KIF13A: variants seen among roughly 807,000 people sequenced by gnomAD.
KIF13A encodes the protein kinesin family member 13A.
In KIF13A, 79 loss-of-function variants were observed where a neutral mutation model predicts 212.2. The ratio of observed to expected loss-of-function variants is 0.37; its 90% CI spans 0.31 to 0.45. The LOEUF (loss-of-function observed/expected upper bound fraction) is 0.45, where lower values mean the gene tolerates loss of function less well. KIF13A is among the 20% of genes least tolerant of loss of function. KIF13A has a pLI of 1.00. For synonymous variants in KIF13A, 789 were observed against 808.6 expected (o/e 0.98, Z 0.41); for missense variants, 1,901 against 2,209.0 (o/e 0.86, Z 2.79).
At chr6:17,847,866 C>T (rs1175775885) in intron 9 of KIF13A, among the ~76,000 whole-genome samples, 1 of 152,094 alleles carries the variant, frequency 6.6e-6, no homozygotes, top group Non-Finnish European at 1.5e-5. Flanking sequence ...GGCTGGAGTA[C>T]AGTGGCGCGA....
rs1321525500 is a variant in KIF13A at position 17,900,875 on chromosome 6, G to A, written c.147-2695C>T. ...AGGCGGATCACAAGTTCAGGGGATC[G>A]AGACCATCCTGGTTAACACGGTGAA... On this transcript the variant is annotated intron_variant, in intron 2 of 38. Transcript: ENST00000259711. This position sits in a 1 kb window ranked among gnomAD's most constrained non-coding sequence, Gnocchi z 4.6. Among the ~76,000 whole-genome samples, 5 of 151,968 alleles carry A rather than the reference G, an allele frequency of 3.3e-5. No homozygotes were observed. Among genetic ancestry groups the A allele is most frequent in the East Asian group, 3.9e-4 (2 of 5,144 alleles).
rs1157984928 is a variant in KIF13A at position 17,897,420 on chromosome 6, T to C, written c.159+748A>G. ...TTGGTGCTAAGTGTCCCTCTGATAC[T>C]CAGCAAAATGCTCACTGGTAACAAA... On this transcript the variant is annotated intron_variant, in intron 3 of 38. Transcript: ENST00000259711. This position sits in a 1 kb window ranked among gnomAD's most constrained non-coding sequence, Gnocchi z 4.8. Among the ~76,000 whole-genome samples the C allele has an allele frequency of 1.3e-5, 2 of 152,182 alleles. No individual in the cohort carries two copies. The highest frequency in any genetic ancestry group is 6.5e-5 in the Admixed American group (1 of 15,278).
chr6:17,802,649 A>AG (rs1298566042), intron 20 of KIF13A, among the ~76,000 whole-genome samples: 1 of 151,870 alleles, frequency 6.6e-6, no homozygotes, highest in Admixed American at 6.6e-5. Context: ...ATATAATTTC[A>AG]GGGGGATTCA....
chr6:17,867,810 G>A (rs1282020548), intron 4 of KIF13A, among the ~76,000 whole-genome samples: 2 of 152,166 alleles, frequency 1.3e-5, no homozygotes, highest in African/African-American at 4.8e-5. Context: ...TGTAAATTTT[G>A]CTGCACAAAT....
At chr6:17,941,543 A>G (rs1561786126) in intron 2 of KIF13A, among the ~76,000 whole-genome samples, 1 of 152,158 alleles carries the variant, frequency 6.6e-6, no homozygotes, top group African/African-American at 2.4e-5. Context: ...GTGTCTTTAT[A>G]AGCAAGGAAA....
At chr6:17,866,284 A>C (rs1400623623) in intron 4 of KIF13A, among the ~76,000 whole-genome samples, 1 of 152,120 alleles carries the variant, frequency 6.6e-6, no homozygotes, top group East Asian at 1.9e-4. Flanking sequence ...AAATATAAGG[A>C]TCCTAGAGAA....
chr6:17,785,760 A>G lies in KIF13A; in HGVS notation c.3362-119T>C. ...AGACCCCATCTCTACCAAAAAAAAA[A>G]AAATAGTTGGGCAGGGTGGTGGTAC... On this transcript the variant is annotated intron_variant, in intron 27 of 38. Transcript: ENST00000259711. This position sits in a 1 kb window ranked among gnomAD's most constrained non-coding sequence, Gnocchi z 5.8. 9.2e-7 allele frequency: 1 copy of G among 1,090,552 alleles called. No individual in the cohort carries two copies. The highest frequency in any genetic ancestry group is 1.3e-6 in the Non-Finnish European group (1 of 753,696). The allele number at this position is 1,090,552 out of a possible 1,614,324, so 67.6% of individuals were successfully genotyped here. A position where few individuals can be genotyped will look rare whatever the true frequency, so the allele number is the denominator to read the frequency against.
At chr6:17,861,116 T>C (rs1768731210) in intron 4 of KIF13A, among the ~76,000 whole-genome samples, 1 of 152,210 alleles carries the variant, frequency 6.6e-6, no homozygotes, top group African/African-American at 2.4e-5. Flanking sequence ...TTATCATATT[T>C]AGTAAAGTTT....
chr6:17,785,788 A>C lies in KIF13A; in HGVS notation c.3362-147T>G, dbSNP rs1761011347. 1.2e-6 allele frequency: 1 copy of C among 804,386 alleles called. No homozygotes were observed. Among genetic ancestry groups the C allele is most frequent in the Non-Finnish European group, 2.0e-6 (1 of 508,886 alleles). 49.8% of individuals were successfully genotyped at this position (804,386 alleles called of 1,614,324 possible). ...ATAGTTGGGCAGGGTGGTGGTACGC[A>C]TGCCTGTAGTCCCAGATACTCAGGC... On this transcript the variant is annotated intron_variant, in intron 27 of 38. Transcript: ENST00000259711. This position sits in a 1 kb window ranked among gnomAD's most constrained non-coding sequence, Gnocchi z 5.8.
At chr6:17,973,396 C>T (rs903692635) in intron 2 of KIF13A, among the ~76,000 whole-genome samples, 4 of 152,236 alleles carry the variant, frequency 2.6e-5, no homozygotes, top group African/African-American at 9.6e-5. Flanking sequence ...CGACTTCATG[C>T]TGCTGCTTTA....
intron 4 of KIF13A, among the ~76,000 whole-genome samples, chr6:17,865,012 G>A (rs147413231): frequency 5.5e-4 from 84 of 152,282 alleles, no homozygotes; most frequent in African/African-American, 1.8e-3. Flanking sequence ...AGAGGCACAG[G>A]ATAAAAGAGT....
In KIF13A at chr6:17,967,139, G is replaced by A. The variant is rs12193768; in HGVS notation, c.146+19915C>T. On this transcript the variant is annotated intron_variant, in intron 2 of 38. Transcript: ENST00000259711. The surrounding 1 kb of genome is among the most constrained non-coding windows in gnomAD (Gnocchi z 4.1). ...GGTGAAGGAAAATGTTAAAGATAAAGCAAAACAGAAAATTTCAACAAGGCA... is the reference window on the plus strand; with the variant it reads ...GGTGAAGGAAAATGTTAAAGATAAAACAAAACAGAAAATTTCAACAAGGCA... Among the ~76,000 whole-genome samples the A allele has an allele frequency of 6.8e-3, 1,033 of 152,216 alleles. 9 individuals carry two copies. Among genetic ancestry groups the A allele is most frequent in the African/African-American group, 0.023 (975 of 41,510 alleles).
Position 17,800,416 on chromosome 6 carries a change from T to C in KIF13A, c.2455-303A>G, listed in dbSNP as rs145319997. ...CTTAAAGGTAGCTCTCACATTTTAC[T>C]TGGAGTCATCTAGTATCCATGTTTT... On this transcript the variant is annotated intron_variant, in intron 20 of 38. Transcript: ENST00000259711. 2.4e-4 allele frequency among the ~76,000 whole-genome samples: 36 copies of C among 151,222 alleles called. No homozygotes were observed. The East Asian group carries it at 6.0e-3, about 25-fold the overall frequency.
Position 17,947,520 on chromosome 6 carries a change from G to A in KIF13A, c.146+39534C>T, listed in dbSNP as rs1478937997. Among the ~76,000 whole-genome samples, 1 of 152,056 alleles carries A rather than the reference G, an allele frequency of 6.6e-6. No individual in the cohort carries two copies. Among genetic ancestry groups the A allele is most frequent in the Non-Finnish European group, 1.5e-5 (1 of 68,006 alleles). On this transcript the variant is annotated intron_variant, in intron 2 of 38. Coordinates refer to ENST00000259711, the MANE Select transcript of KIF13A (RefSeq NM_022113.6). The surrounding 1 kb of genome is among the most constrained non-coding windows in gnomAD (Gnocchi z 4.6). ...GTTGCCTGTTAAATTTCCTGAATTT[G>A]GTAATAGTCTTAGAAAATACACCAA...
In KIF13A at chr6:17,895,051, C is replaced by T. The variant is rs1474839879; in HGVS notation, c.159+3117G>A. Among the ~76,000 whole-genome samples the T allele has an allele frequency of 2.0e-5, 3 of 152,138 alleles. No homozygotes were observed. Among genetic ancestry groups the T allele is most frequent in the Non-Finnish European group, 4.4e-5 (3 of 68,024 alleles). On this transcript the variant is annotated intron_variant, in intron 3 of 38. Coordinates refer to ENST00000259711, the MANE Select transcript of KIF13A (RefSeq NM_022113.6). The surrounding 1 kb of genome is among the most constrained non-coding windows in gnomAD (Gnocchi z 4.4). ...CAGCTGGATCTATCTGCTGCTAAAC[C>T]CTTGCACTAAATTCTTAATTTCGGT...
At position 17,826,085 on chromosome 6, in the gene KIF13A, C is replaced by G; in HGVS notation, c.1572G>C (p.Gln524His). The G allele has an allele frequency of 6.2e-7, 1 of 1,614,002 alleles. No individual in the cohort carries two copies. The highest frequency in any genetic ancestry group is 8.5e-7 in the Non-Finnish European group (1 of 1,179,884). The part of the protein sequence containing the change: ...VNGTLVCSTT[Q>H]LWHGDRILWG... Reference sequence around the variant, plus strand: ...ATAGGATTCGGTCACCATGCCACAGCTGGGTGGTACTGCACACAAGGGTGC... The same window carrying G: ...ATAGGATTCGGTCACCATGCCACAGGTGGGTGGTACTGCACACAAGGGTGC... Residue 524 changes from glutamine to histidine, a missense_variant, in exon 15 of 39, where the codon CAG (glutamine) becomes CAC (histidine). By Grantham distance (24) the Gln-to-His change is conservative. Coordinates refer to ENST00000259711, the MANE Select transcript of KIF13A (RefSeq NM_022113.6). The surrounding 1 kb of genome is among the most constrained non-coding windows in gnomAD (Gnocchi z 4.7).
Position 17,779,691 on chromosome 6 carries a change from G to GAAAA in KIF13A, c.3847-11_3847-8dup. 2 of 791,658 alleles carry GAAAA rather than the reference G, an allele frequency of 2.5e-6. No homozygotes were observed. The highest frequency in any genetic ancestry group is 1.9e-6 in the Non-Finnish European group (1 of 529,040). 49.0% of individuals were successfully genotyped at this position (791,658 alleles called of 1,614,324 possible). A position where few individuals can be genotyped will look rare whatever the true frequency, so the allele number is the denominator to read the frequency against. ...TCAAACTCTGCGTGAAACTCTAGTA[G>GAAAA]AAAAAAAAAAAAGCTGTATTAAGCT... On this transcript the variant is annotated splice_region_variant and splice_polypyrimidine_tract_variant and intron_variant, in intron 31 of 38. Coordinates refer to ENST00000259711, the MANE Select transcript of KIF13A (RefSeq NM_022113.6).
rs148311435 is a variant in KIF13A, at chr6:17,768,723, T to G, written c.4581+2391A>C. ...TGCTCAACAATTCTAACCCTTTGCT[T>G]CTTCTTCTGTAAACCAGAGGAATAA... On this transcript the variant is annotated intron_variant, in intron 38 of 38. Transcript: ENST00000259711. The surrounding 1 kb of genome is among the most constrained non-coding windows in gnomAD (Gnocchi z 5.4). Among the ~76,000 whole-genome samples the G allele has an allele frequency of 3.2e-3, 489 of 152,340 alleles. 3 individuals are homozygous for G. The highest frequency in any genetic ancestry group is 0.011 in the African/African-American group (453 of 41,580).
downstream of KIF13A, among the ~76,000 whole-genome samples, chr6:17,761,859 G>A (rs1301659178): frequency 6.6e-6 from 1 of 152,086 alleles, no homozygotes; most frequent in East Asian, 1.9e-4. Context: ...GAAGGGGGTT[G>A]TTGCTCCTCT....
Sources: allele counts gnomAD v4.1 joint callset (sites outside exome capture counted in the v4.1 genomes callset), GRCh38; gene constraint gnomAD v4.1.1; non-coding constraint Gnocchi (gnomAD v3.1); transcripts MANE v1.5; gene names NCBI Gene and HGNC (gene_info 2026-07-23, HGNC 2026-07-21).